The following NRG3 variants were observed in gnomAD, a reference collection of about 807,000 sequenced individuals.
NRG3 encodes neuregulin 3.
NRG3 carries 31 observed loss-of-function variants against 66.9 expected under a neutral mutation model. The ratio of observed to expected loss-of-function variants is 0.46; its 90% confidence interval spans 0.35 to 0.63. NRG3 has a LOEUF of 0.63. Ranked by LOEUF, NRG3 falls within the 20% of genes least tolerant of loss-of-function variation. NRG3 has a pLI of 0.00. For missense variants in NRG3, 910 were observed against 878.9 expected, an observed-to-expected ratio of 1.04 and a Z score of -0.45; for synonymous variants, 393 against 359.4, an observed-to-expected ratio of 1.09 and a Z score of -1.06.
At position 82,760,740 on chromosome 10, in the gene NRG3, A is replaced by G. The variant is rs776537373; in HGVS notation, c.1027+22090A>G. On this transcript the variant is annotated intron_variant, in intron 3 of 8. Transcript: ENST00000372141. Reference sequence around the variant, plus strand: ...TAAAGAACTAATAAAATCAGCATACAGAAGACAGTCTTACATACAGACAAC... The same window carrying G: ...TAAAGAACTAATAAAATCAGCATACGGAAGACAGTCTTACATACAGACAAC... Among the ~76,000 whole-genome samples, 4 of 152,204 alleles carry G rather than the reference A, an allele frequency of 2.6e-5. No homozygotes were observed. In the South Asian group the frequency reaches 8.3e-4, roughly 31 times the overall value.
At chr10:81,940,052 T>C (rs1026533288) in intron 1 of NRG3, among the ~76,000 whole-genome samples, 1 of 152,140 alleles carries the variant, frequency 6.6e-6, no homozygotes, top group Non-Finnish European at 1.5e-5. Context: ...GAATGTATTA[T>C]TTTCATCTAT....
At chr10:81,928,624 A>G (rs971049333) in intron 1 of NRG3, among the ~76,000 whole-genome samples, 9 of 152,308 alleles carry the variant, frequency 5.9e-5, no homozygotes, top group South Asian at 2.1e-4. Context: ...CCCTACCCTT[A>G]TGGGTACATG....
chr10:82,344,880 C>T (rs2082904668), intron 1 of NRG3, among the ~76,000 whole-genome samples: 2 of 118,852 alleles, frequency 1.7e-5, no homozygotes, highest in South Asian at 2.3e-4. Flanking sequence ...AGTGTCCGTT[C>T]ATGTCCTTCG....
chr10:82,723,429 C>T (rs916921270), intron 2 of NRG3, among the ~76,000 whole-genome samples: 3 of 152,060 alleles, frequency 2.0e-5, no homozygotes, highest in Admixed American at 2.0e-4. Context: ...GCAAAATACC[C>T]ATGTTACAAA....
chr10:82,093,314 C>G (rs2066141004), intron 1 of NRG3, among the ~76,000 whole-genome samples: 1 of 152,182 alleles, frequency 6.6e-6, no homozygotes, highest in African/African-American at 2.4e-5. Flanking sequence ...TACCATTTAT[C>G]TGGCTAATAC....
At chr10:82,465,154 A>G (rs532554191) in intron 2 of NRG3, among the ~76,000 whole-genome samples, 1 of 152,322 alleles carries the variant, frequency 6.6e-6, no homozygotes, top group South Asian at 2.1e-4. Context: ...TAATGGGGCT[A>G]TTAACTAAAT....
At chr10:82,981,623 G>A (rs374553949) in intron 8 of NRG3, among the ~76,000 whole-genome samples, 14 of 152,302 alleles carry the variant, frequency 9.2e-5, no homozygotes, top group African/African-American at 2.9e-4. Flanking sequence ...GGCTTCCAAC[G>A]TATGTGGCTT....
chr10:82,857,013 G>A (rs150484948), intron 3 of NRG3, among the ~76,000 whole-genome samples: 8 of 152,232 alleles, frequency 5.3e-5, no homozygotes, highest in African/African-American at 1.4e-4. Flanking sequence ...ATCGGTAATT[G>A]CAAAAATGGA....
intron 2 of NRG3, among the ~76,000 whole-genome samples, chr10:82,646,931 C>T (rs2050978801): frequency 6.6e-6 from 1 of 150,686 alleles, no homozygotes; most frequent in Non-Finnish European, 1.5e-5. Flanking sequence ...AAAGAGATAA[C>T]TTTTTAAACT....
intron 4 of NRG3, among the ~76,000 whole-genome samples, chr10:82,903,476 A>T (rs922344860): frequency 2.0e-5 from 3 of 152,142 alleles, no homozygotes; most frequent in African/African-American, 7.2e-5. Context: ...GAAGCAGAGA[A>T]AAGTCCTGAC....
chr10:82,389,106 C>A (rs4035093), intron 2 of NRG3, among the ~76,000 whole-genome samples: 3 of 152,084 alleles, frequency 2.0e-5, no homozygotes, highest in Admixed American at 1.3e-4. Flanking sequence ...CATTCACCCC[C>A]CTAACCACAA....
chr10:82,072,510 T>C (rs2064864992), intron 1 of NRG3, among the ~76,000 whole-genome samples: 1 of 152,180 alleles, frequency 6.6e-6, no homozygotes, highest in Admixed American at 6.5e-5. Flanking sequence ...TTTGTTTTCA[T>C]ATATATTTAA....
At chr10:82,843,078 A>C (rs778219848) in intron 3 of NRG3, among the ~76,000 whole-genome samples, 37 of 152,346 alleles carry the variant, frequency 2.4e-4, no homozygotes, top group Non-Finnish European at 4.9e-4. Context: ...TTGACTATAG[A>C]TAACTGAAGT....
At chr10:82,592,268 G>T (rs2047024479) in intron 2 of NRG3, among the ~76,000 whole-genome samples, 1 of 152,130 alleles carries the variant, frequency 6.6e-6, no homozygotes. Context: ...TGTCAGTTTT[G>T]CCATCTTTAA....
intron 2 of NRG3, among the ~76,000 whole-genome samples, chr10:82,724,554 G>A (rs1017292032): frequency 3.3e-5 from 5 of 152,168 alleles, no homozygotes; most frequent in Non-Finnish European, 4.4e-5. Context: ...AAAATGCCTT[G>A]TAGAAAAATC....
At chr10:82,361,705 TA>T (rs1564839019) in intron 2 of NRG3, among the ~76,000 whole-genome samples, 1 of 152,136 alleles carries the variant, frequency 6.6e-6, no homozygotes, top group African/African-American at 2.4e-5. Context: ...TAGGAAATTT[TA>T]AAAAGCAAAA....
At chr10:82,402,333 G>T (rs74559223) in intron 2 of NRG3, among the ~76,000 whole-genome samples, 1,708 of 152,198 alleles carry the variant, frequency 0.011, 12 homozygotes, top group Non-Finnish European at 0.018. Context: ...TTCAGGCCAA[G>T]AAGAAAATAA....
At chr10:82,498,228 A>C (rs540936097) in intron 2 of NRG3, among the ~76,000 whole-genome samples, 8 of 152,254 alleles carry the variant, frequency 5.3e-5, no homozygotes, top group Non-Finnish European at 8.8e-5. Flanking sequence ...CTGTGAAAAA[A>C]AATCCATCAT....
chr10:82,350,327 C>T (rs1474779008), intron 1 of NRG3, among the ~76,000 whole-genome samples: 2 of 152,162 alleles, frequency 1.3e-5, no homozygotes, highest in Non-Finnish European at 2.9e-5. Flanking sequence ...TCACAGAAAG[C>T]GTGCATTAAG....
Sources: allele counts gnomAD v4.1 joint callset (sites outside exome capture counted in the v4.1 genomes callset), GRCh38; gene constraint gnomAD v4.1.1; transcripts MANE v1.5; gene names NCBI Gene and HGNC (gene_info 2026-07-23, HGNC 2026-07-21).